The following KIF14 variants were observed in gnomAD, a reference collection of about 807,000 sequenced individuals.
KIF14 encodes the protein kinesin-like protein KIF14.
KIF14 carries 98 observed loss-of-function variants against 176.2 expected under a neutral mutation model. That is an observed-to-expected ratio of 0.56 (90% CI 0.47 to 0.66). KIF14 has a LOEUF of 0.66. KIF14 is among the 30% of genes least tolerant of loss of function. The pLI, the probability that KIF14 is intolerant of heterozygous loss-of-function variation, is 0.00. For missense variants in KIF14, 1,751 were observed against 1,920.4 expected (o/e 0.91, Z 1.65); for synonymous variants, 566 against 632.2 (o/e 0.90, Z 1.57).
At chr1:200,586,563 T>C (rs888497462) in intron 18 of KIF14, among the ~76,000 whole-genome samples, 3 of 151,356 alleles carry the variant, frequency 2.0e-5, no homozygotes, top group African/African-American at 7.3e-5. Flanking sequence ...CCCACAACAA[T>C]ATTATTAGGA....
intron 15 of KIF14, 101 bp downstream of exon 15, chr1:200,593,566 C>T: frequency 1.3e-6 from 1 of 795,966 alleles, no homozygotes. Context: ...CCTTAATCTG[C>T]TTCAACACCC....
chr1:200,613,823 G>GAAAAAAA, intron 4 of KIF14, among the ~76,000 whole-genome samples: 1 of 152,150 alleles, frequency 6.6e-6, no homozygotes, highest in Non-Finnish European at 1.5e-5. Flanking sequence ...TCAGTAAAAG[G>GAAAAAAA]TAGCTGAATG....
At position 200,552,148 on chromosome 1, in the gene KIF14, G is replaced by A. The variant is rs1301443599; in HGVS notation, c.*1240C>T. On this transcript the variant is annotated 3_prime_UTR_variant, in exon 30 of 30. Coordinates refer to ENST00000367350, the MANE Select transcript of KIF14 (RefSeq NM_014875.3). ...AATGAAAGGATCAGGTTATTTAAAT[G>A]AATTCTTCTTTTTTTTTCTTCTTTT... is the stretch of plus-strand genomic sequence containing the variant. 5 of 144,112 alleles carry A rather than the reference G, an allele frequency of 3.5e-5. No homozygotes were observed. In the Admixed American group the frequency reaches 3.5e-4, roughly 10 times the overall value. The allele number at this position is 144,112 out of a possible 1,614,324, so 8.9% of individuals were successfully genotyped here.
intron 21 of KIF14, among the ~76,000 whole-genome samples, chr1:200,577,855 AATAGTTTAAACAGAATAAG>A (rs1261248728): frequency 6.6e-6 from 1 of 152,090 alleles, no homozygotes; most frequent in Non-Finnish European, 1.5e-5. Context: ...TATGTTCTAG[AATAGTTTAAACAGAATAAG>A]ATTTATCTGT....
At chr1:200,584,532 G>C (rs562090913) in intron 19 of KIF14, among the ~76,000 whole-genome samples, 27 of 152,240 alleles carry the variant, frequency 1.8e-4, no homozygotes, top group South Asian at 4.1e-4. Context: ...TTTATCACTG[G>C]GATGCAAGGA....
chr1:200,620,243 T>C (rs548758462), intron 1 of KIF14, among the ~76,000 whole-genome samples, 168 bp downstream of exon 1: 32 of 152,348 alleles, frequency 2.1e-4, no homozygotes, highest in Admixed American at 1.8e-3. Flanking sequence ...CTAAAAACCA[T>C]TTGCGATTTG....
chr1:200,589,205 C>T lies in KIF14; in HGVS notation c.3114+12G>A, dbSNP rs1264229057. 6.3e-7 allele frequency: 1 copy of T among 1,587,960 alleles called. No individual in the cohort carries two copies. Among genetic ancestry groups the T allele is most frequent in the Non-Finnish European group, 8.6e-7 (1 of 1,166,644 alleles). On this transcript the variant is annotated intron_variant, in intron 18 of 29. Coordinates refer to ENST00000367350, the MANE Select transcript of KIF14 (RefSeq NM_014875.3). ...CTCAGAATAGAGTTAACTGGTTACACAATAAAATTACCTGTTTTGTAGCCA... is the reference window on the plus strand; with the variant it reads ...CTCAGAATAGAGTTAACTGGTTACATAATAAAATTACCTGTTTTGTAGCCA...
At chr1:200,617,303 C>G (rs1232381289) in intron 2 of KIF14, among the ~76,000 whole-genome samples, 1 of 152,122 alleles carries the variant, frequency 6.6e-6, no homozygotes, top group African/African-American at 2.4e-5. Flanking sequence ...GTATAACATT[C>G]CAGCATATAT....
At chr1:200,605,929 T>G in intron 6 of KIF14, 35 bp from the exon 7 acceptor site, 1 of 1,249,854 alleles carries the variant, frequency 8.0e-7, no homozygotes, top group South Asian at 1.4e-5. Context: ...AAATCAATTT[T>G]ACTGATGATT....
intron 26 of KIF14, among the ~76,000 whole-genome samples, chr1:200,559,788 C>T (rs1161060081): frequency 1.3e-5 from 2 of 148,428 alleles, no homozygotes; most frequent in Non-Finnish European, 3.0e-5. Context: ...GAGTTTCGCT[C>T]ATGTTGCCCA....
Position 200,590,198 on chromosome 1 carries a change from T to C in KIF14, c.2888A>G (p.Glu963Gly), listed in dbSNP as rs764159124. The C allele has an allele frequency of 6.2e-7, 1 of 1,614,008 alleles. No homozygotes were observed. Among genetic ancestry groups the C allele is most frequent in the Non-Finnish European group, 8.5e-7 (1 of 1,180,004 alleles). Residue 963 changes from glutamate (E) to glycine (G), a missense_variant, in exon 17 of 30, where the codon GAA becomes GGA. Glu to Gly is a moderately conservative substitution (Grantham distance 98, BLOSUM62 -2). Transcript: ENST00000367350. ...EMMQGIQIAKEMAQQELSSQK... is the reference protein window; with the variant it reads ...EMMQGIQIAKGMAQQELSSQK... ...AGAAGAAAGCTCTTGCTGAGCCATT[T>C]CTTTTGCAATCTGGATTCCTTGCAT...
Position 200,592,129 on chromosome 1 carries a change from T to C in KIF14, c.2764A>G (p.Lys922Glu), listed in dbSNP as rs1659084996. 1 of 1,613,820 alleles carries C rather than the reference T, an allele frequency of 6.2e-7. No individual in the cohort carries two copies. Among genetic ancestry groups the C allele is most frequent in the African/African-American group, 1.3e-5 (1 of 74,910 alleles). The part of the protein sequence containing the change: ...GRDTPISEGP[K>E]DFEFAKNELL... ...TCATTTTTTGCAAATTCAAAGTCTT[T>C]TGGACCCTCACTTATAGGAGTATCT... The change falls in exon 16 of 30, where the codon AAA (lysine) becomes GAA (glutamate). Residue 922 changes from lysine to glutamate, a missense_variant. Lys to Glu is a moderately conservative substitution (Grantham distance 56). Transcript: ENST00000367350.
At chr1:200,619,303 ATTT>A (rs35089676) in intron 1 of KIF14, among the ~76,000 whole-genome samples, 9 of 147,866 alleles carry the variant, frequency 6.1e-5, no homozygotes, top group African/African-American at 9.9e-5. Flanking sequence ...TGCTACACGT[ATTT>A]TTTTTTTTTG....
intron 18 of KIF14, among the ~76,000 whole-genome samples, chr1:200,588,832 C>A (rs1206081605): frequency 6.6e-6 from 1 of 152,210 alleles, no homozygotes; most frequent in South Asian, 2.1e-4. Flanking sequence ...GCTTGCTGCT[C>A]TCTCCACAGG....
chr1:200,608,003 T>C (rs1219425767), intron 5 of KIF14, among the ~76,000 whole-genome samples: 3 of 152,106 alleles, frequency 2.0e-5, no homozygotes, highest in Non-Finnish European at 4.4e-5. Flanking sequence ...CCAGCCGTCT[T>C]CTTTAGATTT....
chr1:200,587,924 G>A (rs2102679441), intron 18 of KIF14, among the ~76,000 whole-genome samples: 1 of 152,266 alleles, frequency 6.6e-6, no homozygotes, highest in South Asian at 2.1e-4. Flanking sequence ...TTTGTGTCCA[G>A]GAGTTGACTA....
At position 200,568,921 on chromosome 1, in the gene KIF14, A is replaced by ATT. The variant is rs144531910; in HGVS notation, c.3661+988_3661+989dup. On this transcript the variant is annotated intron_variant, in intron 23 of 29. Coordinates refer to ENST00000367350, the MANE Select transcript of KIF14 (RefSeq NM_014875.3). ...AGTAGTCTATTGTTAGCAGGTAGTA[A>ATT]TTTTTTTTTTTTTTTTTTTTTGAGA... is the stretch of plus-strand genomic sequence containing the variant. Among the ~76,000 whole-genome samples the ATT allele has an allele frequency of 7.2e-3, 766 of 106,646 alleles. 3 individuals are homozygous for ATT. The highest frequency in any genetic ancestry group is 0.011 in the Non-Finnish European group (588 of 54,170). The allele number at this position is 106,646 out of a possible 152,430, so 70.0% of individuals were successfully genotyped here.
At chr1:200,562,519 T>G (rs1278917072) in intron 25 of KIF14, among the ~76,000 whole-genome samples, 1 of 152,224 alleles carries the variant, frequency 6.6e-6, no homozygotes, top group Non-Finnish European at 1.5e-5. Context: ...ACATCAGTTT[T>G]TCAAGTGCCA....
Position 200,606,743 on chromosome 1 carries a change from T to TA in KIF14, c.1607+2dup, listed in dbSNP as rs1659900789. On this transcript the variant is annotated splice_region_variant and intron_variant, in intron 6 of 29. Transcript: ENST00000367350. ...CTTTGCCCTTGCTGAGCCAAATACT[T>TA]ACATTGACAGTGCTTCAACATATGG... The TA allele has an allele frequency of 6.2e-7, 1 of 1,613,072 alleles. No individual in the cohort carries two copies. Among genetic ancestry groups the TA allele is most frequent in the Non-Finnish European group, 8.5e-7 (1 of 1,179,306 alleles).
Sources: allele counts gnomAD v4.1 joint callset (sites outside exome capture counted in the v4.1 genomes callset), GRCh38; gene constraint gnomAD v4.1.1; transcripts MANE v1.5; gene names NCBI Gene and HGNC (gene_info 2026-07-23, HGNC 2026-07-21).